Variants in RPS6KA5 observed in about 807,000 individuals in gnomAD.
The protein encoded by RPS6KA5 is ribosomal protein S6 kinase alpha-5.
A neutral mutation model predicts 85.5 loss-of-function variants in RPS6KA5; 27 were observed. That is an observed-to-expected ratio of 0.32 (90% CI 0.23 to 0.44). RPS6KA5 has a LOEUF of 0.44. Ranked by LOEUF, RPS6KA5 falls within the 20% of genes least tolerant of loss-of-function variation. The pLI is 1.00. For synonymous variants in RPS6KA5, 334 were observed against 348.2 expected, an observed-to-expected ratio of 0.96 and a Z score of 0.46; for missense variants, 811 against 980.9, an observed-to-expected ratio of 0.83 and a Z score of 2.31.
rs770148887 is a variant in RPS6KA5 at position 90,983,787 on chromosome 14, TTC to T, written c.176-5265_176-5264del. On this transcript the variant is annotated intron_variant, in intron 2 of 16. Transcript: ENST00000614987. ...TTCTTTCTTTCCTTTCTTTCTTTCT[TTC>T]TCTCTCTCTCTCTCTCTCTCTCTCT... 7.1e-3 allele frequency among the ~76,000 whole-genome samples: 921 copies of T among 129,226 alleles called. 8 individuals are homozygous for T. Among genetic ancestry groups the T allele is most frequent in the African/African-American group, 0.02 (665 of 33,246 alleles). 84.8% of individuals were successfully genotyped at this position (129,226 alleles called of 152,430 possible).
At position 90,935,670 on chromosome 14, in the gene RPS6KA5, C is replaced by G. The variant is rs2037216456; in HGVS notation, c.618+7408G>C. Among the ~76,000 whole-genome samples, 2 of 152,134 alleles carry G rather than the reference C, an allele frequency of 1.3e-5. 1 individual carries two copies. The highest frequency in any genetic ancestry group is 4.1e-4 in the South Asian group (2 of 4,824). On this transcript the variant is annotated intron_variant, in intron 5 of 16. Coordinates refer to ENST00000614987, the MANE Select transcript of RPS6KA5 (RefSeq NM_004755.4). ...TGAGCAAGGTTAGATTTTTCTACTT[C>G]TGGAAAGAGAGAAACAGTCATAAAT...
rs546845182 is a variant in RPS6KA5 at position 90,879,397 on chromosome 14, T to C, written c.1837-4037A>G. Among the ~76,000 whole-genome samples the C allele has an allele frequency of 2.6e-4, 40 of 152,374 alleles. 1 individual carries two copies. In the Middle Eastern group the frequency reaches 0.014, roughly 52 times the overall value. ...GGCAGATGGTTCACTTAAGTGCAGC[T>C]GGCCTGTAGAACATGGCAGACTCAG... is the stretch of plus-strand genomic sequence containing the variant. On this transcript the variant is annotated intron_variant, in intron 14 of 16. Coordinates refer to ENST00000614987, the MANE Select transcript of RPS6KA5 (RefSeq NM_004755.4).
chr14:90,879,093 G>A (rs1363667392), intron 14 of RPS6KA5, among the ~76,000 whole-genome samples: 2 of 152,170 alleles, frequency 1.3e-5, no homozygotes, highest in African/African-American at 2.4e-5. Flanking sequence ...ACTAGACCCC[G>A]GCAGGCTCTG....
intron 15 of RPS6KA5, among the ~76,000 whole-genome samples, chr14:90,874,818 C>A (rs1375363460): frequency 6.6e-6 from 1 of 151,324 alleles, no homozygotes; most frequent in Middle Eastern, 3.4e-3. Context: ...CTGCAGAAGG[C>A]AGGCAGGTGC....
intron 4 of RPS6KA5, 114 bp downstream of exon 4, chr14:90,947,320 TG>T (rs1206562544): frequency 3.8e-5 from 23 of 601,008 alleles, no homozygotes; most frequent in Admixed American, 8.6e-5. Flanking sequence ...TCTATAAGTA[TG>T]CTTTCATAAT....
chr14:90,927,642 G>A (rs904616406), intron 5 of RPS6KA5, among the ~76,000 whole-genome samples: 2 of 151,966 alleles, frequency 1.3e-5, no homozygotes, highest in African/African-American at 4.8e-5. Flanking sequence ...CATTTCACTA[G>A]GGAAATAACT....
chr14:90,875,745 C>CT (rs2033420003), intron 14 of RPS6KA5, among the ~76,000 whole-genome samples: 1 of 151,756 alleles, frequency 6.6e-6, no homozygotes, highest in African/African-American at 2.4e-5. Context: ...AGTTCATGTC[C>CT]TTTGTAGGGA....
At chr14:90,876,139 T>C (rs1270421924) in intron 14 of RPS6KA5, among the ~76,000 whole-genome samples, 5 of 152,158 alleles carry the variant, frequency 3.3e-5, no homozygotes, top group Non-Finnish European at 7.4e-5. Context: ...TGTTATGATA[T>C]AGATTTAAAA....
chr14:91,023,575 G>A (rs1289950408), intron 1 of RPS6KA5, among the ~76,000 whole-genome samples: 2 of 152,130 alleles, frequency 1.3e-5, no homozygotes, highest in Admixed American at 6.5e-5. Context: ...ATGAGCCACC[G>A]TGCCCAACCT....
At chr14:90,987,909 C>T (rs1402650561) in intron 2 of RPS6KA5, among the ~76,000 whole-genome samples, 1 of 152,112 alleles carries the variant, frequency 6.6e-6, no homozygotes, top group South Asian at 2.1e-4. Context: ...ACATGAAGAC[C>T]AGCTCCATAC....
At chr14:90,894,631 G>C in intron 12 of RPS6KA5, 48 bp from the exon 13 acceptor site, 1 of 1,589,368 alleles carries the variant, frequency 6.3e-7, no homozygotes, top group South Asian at 1.1e-5. Flanking sequence ...AAGCACAGAA[G>C]TCTATTAACA....
intron 2 of RPS6KA5, among the ~76,000 whole-genome samples, chr14:90,989,976 G>A (rs1309992087): frequency 6.6e-6 from 1 of 152,172 alleles, no homozygotes; most frequent in African/African-American, 2.4e-5. Context: ...ACAAGTCAGT[G>A]CTATGCTCTC....
At position 90,862,471 on chromosome 14, in the gene RPS6KA5, C is replaced by T. The variant is rs1225235592; in HGVS notation, c.*9603G>A. 2 of 150,434 alleles carry T rather than the reference C, an allele frequency of 1.3e-5. No individual in the cohort carries two copies. The highest frequency in any genetic ancestry group is 3.0e-5 in the Non-Finnish European group (2 of 67,310). 9.3% of individuals were successfully genotyped at this position (150,434 alleles called of 1,614,324 possible). A position where few individuals can be genotyped will look rare whatever the true frequency, so the allele number is the denominator to read the frequency against. ...CCTCCTCCTCCTTCTTCTTCTTCTT[C>T]TTCTTCTTTTTTTAATGCTAGGCTC... is the stretch of plus-strand genomic sequence containing the variant. On this transcript the variant is annotated 3_prime_UTR_variant, in exon 17 of 17. Transcript: ENST00000614987.
At chr14:90,953,435 CGT>C (rs1566786695) in intron 3 of RPS6KA5, among the ~76,000 whole-genome samples, 1 of 152,058 alleles carries the variant, frequency 6.6e-6, no homozygotes, top group African/African-American at 2.4e-5. Flanking sequence ...GATTGTAAAA[CGT>C]GTGTTTGAAC....
At chr14:90,995,738 T>C (rs1262159544) in intron 2 of RPS6KA5, among the ~76,000 whole-genome samples, 1 of 152,128 alleles carries the variant, frequency 6.6e-6, no homozygotes, top group Non-Finnish European at 1.5e-5. Flanking sequence ...ACTGCATAGA[T>C]ACCTGGCAAG....
intron 4 of RPS6KA5, 93 bp downstream of exon 4, chr14:90,947,342 A>T (rs1206838639): frequency 1.4e-6 from 1 of 710,576 alleles, no homozygotes; most frequent in Non-Finnish European, 2.5e-6. Flanking sequence ...CTCCACTAAG[A>T]CAATAACATG....
rs2032833160 is a variant in RPS6KA5 at position 90,867,038 on chromosome 14, C to T, written c.*5036G>A. On this transcript the variant is annotated 3_prime_UTR_variant, in exon 17 of 17. Coordinates refer to ENST00000614987, the MANE Select transcript of RPS6KA5 (RefSeq NM_004755.4). ...ATATCCATTCCAACATAGCAGTGCA[C>T]ATTTCACATGACCAGCCTCTTATGT... The T allele has an allele frequency of 6.6e-6, 1 of 152,280 alleles. No individual in the cohort carries two copies. The highest frequency in any genetic ancestry group is 2.4e-5 in the African/African-American group (1 of 41,560). 9.4% of individuals were successfully genotyped at this position (152,280 alleles called of 1,614,324 possible).
chr14:91,060,151 A>G, intron 1 of RPS6KA5, 181 bp downstream of exon 1: 4 of 982,446 alleles, frequency 4.1e-6, no homozygotes, highest in Non-Finnish European at 4.8e-6. Context: ...CGCCTCCCCC[A>G]AGGCGCGCCC....
In RPS6KA5 at chr14:90,854,318, C is replaced by A. The variant is rs1467395657; in HGVS notation, c.*17756G>T. 1.3e-5 allele frequency: 2 copies of A among 152,068 alleles called. No homozygotes were observed. The highest frequency in any genetic ancestry group is 2.9e-5 in the Non-Finnish European group (2 of 67,992). 9.4% of individuals were successfully genotyped at this position (152,068 alleles called of 1,614,324 possible). A position where few individuals can be genotyped will look rare whatever the true frequency, so the allele number is the denominator to read the frequency against. ...CAAAACTTACTGTAGCCATTATAAT[C>A]TGCTAACGTTTGAAAAACTTAACAT... On this transcript the variant is annotated 3_prime_UTR_variant, in exon 17 of 17. Transcript: ENST00000614987.
Sources: gnomAD v4.1 joint callset for allele counts (sites outside exome capture counted in the v4.1 genomes callset) on GRCh38, gnomAD v4.1.1 for gene constraint, MANE v1.5 for transcripts, NCBI Gene and HGNC (gene_info 2026-07-23, HGNC 2026-07-21) for gene names.